The following AHI1 variants were observed in gnomAD, a reference collection of about 807,000 sequenced individuals.
The protein encoded by AHI1 is jouberin.
AHI1 carries 123 observed loss-of-function variants against 149.3 expected under a neutral mutation model. That is an observed-to-expected ratio of 0.82 (90% CI 0.71 to 0.96). The LOEUF (loss-of-function observed/expected upper bound fraction) is 0.96. Among genes scored for constraint, AHI1 ranks in the 40% least tolerant of loss-of-function variants. The pLI is 0.00. For missense variants in AHI1, 1,439 were observed against 1,422.7 expected (o/e 1.01, Z -0.18); for synonymous variants, 475 against 459.8 (o/e 1.03, Z -0.42).
Position 135,429,967 on chromosome 6 carries a change from T to A in AHI1, c.2407A>T (p.Ile803Leu). Residue 803 changes from isoleucine (I) to leucine (L), a missense_variant, in exon 18 of 29, where the codon ATA becomes TTA. Transcript: ENST00000265602. The part of the protein sequence containing the change: ...IKETEFKGIP[I>L]SYLEIHPNGK... ...TTGGGATGAATCTCCAAATAACTTA[T>A]TGGAATTCCCTTAAACTCAGTTTCT... 6.3e-7 allele frequency: 1 copy of A among 1,583,750 alleles called. No individual in the cohort carries two copies. Among genetic ancestry groups the A allele is most frequent in the Non-Finnish European group, 8.6e-7 (1 of 1,162,194 alleles).
At chr6:135,361,414 T>C (rs578007688) in intron 23 of AHI1, among the ~76,000 whole-genome samples, 3 of 152,330 alleles carry the variant, frequency 2.0e-5, no homozygotes, top group Non-Finnish European at 1.5e-5. Flanking sequence ...CTGGTGACTA[T>C]GTTTTTTCCT....
At chr6:135,487,930 T>C (rs1279954860) in intron 5 of AHI1, among the ~76,000 whole-genome samples, 1 of 152,058 alleles carries the variant, frequency 6.6e-6, no homozygotes, top group African/African-American at 2.4e-5. Flanking sequence ...GAGGGAACAC[T>C]GATATTTCTC....
chr6:135,363,900 C>T (rs1307296335), intron 23 of AHI1, among the ~76,000 whole-genome samples: 2 of 149,110 alleles, frequency 1.3e-5, no homozygotes, highest in African/African-American at 2.5e-5. Flanking sequence ...GGGCTGACCC[C>T]CCCCACCTCC....
At position 135,444,113 on chromosome 6, in the gene AHI1, T is replaced by C. The variant is rs573755974; in HGVS notation, c.1780-1399A>G. Among the ~76,000 whole-genome samples the C allele has an allele frequency of 2.0e-5, 3 of 152,292 alleles. No homozygotes were observed. In the South Asian group the frequency reaches 6.2e-4, roughly 32 times the overall value. On this transcript the variant is annotated intron_variant, in intron 13 of 28. Transcript: ENST00000265602. ...CCTCAAAAGCCTTGACTGTTTCTCC[T>C]CCTTTACTACCTTGTCAGTCACTAA...
At chr6:135,305,860 C>T (rs1178392351) in intron 26 of AHI1, among the ~76,000 whole-genome samples, 1 of 152,212 alleles carries the variant, frequency 6.6e-6, no homozygotes, top group Admixed American at 6.5e-5. Context: ...TAAGCTGCAG[C>T]CATGATGAAA....
intron 23 of AHI1, among the ~76,000 whole-genome samples, chr6:135,387,418 C>T (rs765823554): frequency 3.3e-4 from 50 of 152,252 alleles, no homozygotes; most frequent in Non-Finnish European, 5.6e-4. Context: ...CCAGATTACA[C>T]AGATGAGAGA....
intron 27 of AHI1, among the ~76,000 whole-genome samples, chr6:135,292,295 G>T (rs1782461549): frequency 6.6e-6 from 1 of 151,974 alleles, no homozygotes; most frequent in Non-Finnish European, 1.5e-5. Flanking sequence ...TTCATCTTTG[G>T]CTTTCTCTGA....
At chr6:135,360,799 T>C (rs975577810) in intron 23 of AHI1, among the ~76,000 whole-genome samples, 1 of 152,170 alleles carries the variant, frequency 6.6e-6, no homozygotes, top group Non-Finnish European at 1.5e-5. Context: ...AATATATAGA[T>C]AGAATAAATC....
chr6:135,323,162 T>C lies in AHI1; in HGVS notation c.3328A>G (p.Thr1110Ala), dbSNP rs1380307778. ...YFPANHVASE[T>A]LYQELPPEIK... ...ACCAGGAAGGGAGCATAAAACTTAC[T>C]TTCACTAGCCACATGATTAGCTGGA... Residue 1110 changes from threonine (T) to alanine (A), a missense_variant and splice_region_variant, in exon 25 of 29, where the codon ACA becomes GCA. By Grantham distance (58) the Thr-to-Ala change is moderately conservative (BLOSUM62 0). Transcript: ENST00000265602. The C allele has an allele frequency of 1.3e-5, 21 of 1,605,422 alleles. No homozygotes were observed. Among genetic ancestry groups the C allele is most frequent in the Non-Finnish European group, 1.7e-5 (20 of 1,173,924 alleles).
At chr6:135,364,918 A>G (rs1359932433) in intron 23 of AHI1, among the ~76,000 whole-genome samples, 2 of 151,436 alleles carry the variant, frequency 1.3e-5, no homozygotes, top group Non-Finnish European at 2.9e-5. Context: ...GGAGAGGAAG[A>G]GGAAGAGGGA....
intron 26 of AHI1, chr6:135,301,489 C>T (rs1783876828): frequency 9.1e-6 from 9 of 985,412 alleles, no homozygotes; most frequent in Non-Finnish European, 1.1e-5. Flanking sequence ...AGATTTCCTT[C>T]TTCACAATCA....
chr6:135,302,806 G>C (rs769344897), intron 26 of AHI1: 51 of 1,288,728 alleles, frequency 4.0e-5, no homozygotes, highest in Middle Eastern at 2.1e-4. Context: ...GAGCTGTTTT[G>C]TTTTATTTTA....
intron 23 of AHI1, among the ~76,000 whole-genome samples, chr6:135,369,827 T>C (rs1774762001): frequency 6.6e-6 from 1 of 152,218 alleles, no homozygotes; most frequent in African/African-American, 2.4e-5. Context: ...TGTTATAATC[T>C]TCAGGTCTAG....
At chr6:135,456,544 CAAA>C (rs776119975) in intron 9 of AHI1, among the ~76,000 whole-genome samples, 2 of 84,786 alleles carry the variant, frequency 2.4e-5, no homozygotes. Flanking sequence ...GATATTGTCT[CAAA>C]AAAAAAAAAA....
chr6:135,422,343 T>C (rs114423509), intron 20 of AHI1, among the ~76,000 whole-genome samples: 2,187 of 152,054 alleles, frequency 0.014, 47 homozygotes, highest in African/African-American at 0.05. Context: ...AAAACCCTGT[T>C]TCTACAAAAA....
chr6:135,402,328 A>G (rs935127116), intron 22 of AHI1, among the ~76,000 whole-genome samples: 1 of 152,220 alleles, frequency 6.6e-6, no homozygotes, highest in African/African-American at 2.4e-5. Flanking sequence ...TACATATCCC[A>G]TAGAAATGAG....
chr6:135,327,617 C>T (rs1787901741), intron 24 of AHI1, among the ~76,000 whole-genome samples: 1 of 152,152 alleles, frequency 6.6e-6, no homozygotes, highest in Non-Finnish European at 1.5e-5. Context: ...GGGCAGGCCT[C>T]AGAAAACAGA....
rs761066147 is a variant in AHI1 at position 135,300,502 on chromosome 6, T to G, written c.3483A>C (p.Thr1161=). 1 of 1,605,574 alleles carries G rather than the reference T, an allele frequency of 6.2e-7. No homozygotes were observed. Among genetic ancestry groups the G allele is most frequent in the South Asian group, 1.1e-5 (1 of 88,824 alleles). Residue 1161 remains threonine, a splice_region_variant and synonymous_variant, in exon 27 of 29, where the codon ACA becomes ACC. Transcript: ENST00000265602. ...ATTATTTTGAAGAAGTTGCTTACTG[T>G]GTCATAGATTCTGAGCCTAGTCTGA... ...QDFRLGSESM[T]HSEMRKEQSH...
intron 11 of AHI1, among the ~76,000 whole-genome samples, chr6:135,449,620 G>T (rs1787785106): frequency 6.6e-6 from 1 of 152,086 alleles, no homozygotes; most frequent in South Asian, 2.1e-4. Flanking sequence ...TAAATTAGAA[G>T]AATAGGCACT....
Sources: allele counts gnomAD v4.1 joint callset (sites outside exome capture counted in the v4.1 genomes callset), GRCh38; gene constraint gnomAD v4.1.1; transcripts MANE v1.5; gene names NCBI Gene and HGNC (gene_info 2026-07-23, HGNC 2026-07-21).